The following MISFA variants were observed in gnomAD, a reference collection of about 807,000 sequenced individuals.
The protein encoded by MISFA is mitochondrial sheath formation associated, also known as mitochondrial sheath formation-associated protein.
chr11:18,603,544 T>C, the MISFA span, among the ~76,000 whole-genome samples: 1 of 152,222 alleles, frequency 6.6e-6, no homozygotes, highest in African/African-American at 2.4e-5. Context: ...GTGGCAGATG[T>C]CTCTTTTCTC....
chr11:18,603,188 C>T, the MISFA span: 1 of 399,092 alleles, frequency 2.5e-6, no homozygotes. Flanking sequence ...AAATATCCCC[C>T]AGGAGGGGTA....
the MISFA span, chr11:18,607,126 G>T: frequency 5.5e-6 from 1 of 182,916 alleles, no homozygotes; most frequent in African/African-American, 2.4e-5. Flanking sequence ...GCCTCCCAAA[G>T]TGCTGGGATT....
At chr11:18,603,013 G>A in the MISFA span, 1 of 396,660 alleles carries the variant, frequency 2.5e-6, no homozygotes, top group Non-Finnish European at 4.4e-6. Context: ...GAGCTGCCAT[G>A]CTGGGCCATC....
the MISFA span, chr11:18,606,337 T>C: frequency 5.8e-6 from 1 of 171,358 alleles, no homozygotes; most frequent in Non-Finnish European, 1.2e-5. Flanking sequence ...GCTGGAAAAA[T>C]GTTCAGGGTG....
At chr11:18,604,311 A>G in the MISFA span, among the ~76,000 whole-genome samples, 1 of 151,982 alleles carries the variant, frequency 6.6e-6, no homozygotes, top group Non-Finnish European at 1.5e-5. Context: ...AGTTGAGTGG[A>G]TGGGAGACAA....
At chr11:18,605,050 T>C in the MISFA span, among the ~76,000 whole-genome samples, 32 of 151,906 alleles carry the variant, frequency 2.1e-4, no homozygotes, top group African/African-American at 7.2e-4. Flanking sequence ...CGAGACCCGC[T>C]TGGCCAACAT....
the MISFA span, among the ~76,000 whole-genome samples, chr11:18,600,213 T>C: frequency 6.6e-6 from 1 of 151,830 alleles, no homozygotes; most frequent in Non-Finnish European, 1.5e-5. Context: ...TTATTATTAT[T>C]ATTTTTTGAG....
the MISFA span, among the ~76,000 whole-genome samples, chr11:18,600,645 C>T: frequency 1.3e-5 from 2 of 151,338 alleles, no homozygotes; most frequent in African/African-American, 4.9e-5. Context: ...CTCAGCCTCC[C>T]GAGTAGCTGG....
At chr11:18,609,822 C>G in the MISFA span, 3 of 1,585,778 alleles carry the variant, frequency 1.9e-6, no homozygotes, top group Non-Finnish European at 2.6e-6. Context: ...ATCCTTGCAG[C>G]AGAGCAGCTC....
At chr11:18,600,099 C>T in the MISFA span, 3,005 of 398,244 alleles carry the variant, frequency 7.5e-3, 70 homozygotes, top group African/African-American at 0.054. Flanking sequence ...GTTGAGGTCT[C>T]ACCACTAACT....
the MISFA span, among the ~76,000 whole-genome samples, chr11:18,600,551 TG>T: frequency 8.2e-6 from 1 of 122,354 alleles, no homozygotes; most frequent in African/African-American, 3.2e-5. Context: ...GACGGAGTCT[TG>T]CTCTGTCGCC....
chr11:18,599,947 A>T, the MISFA span: 1 of 398,958 alleles, frequency 2.5e-6, no homozygotes. Context: ...GCTTGGCTGG[A>T]TGTTTTTTGT....
the MISFA span, chr11:18,606,765 T>C: frequency 1.3e-5 from 5 of 389,356 alleles, no homozygotes; most frequent in Non-Finnish European, 1.5e-5. Flanking sequence ...TCTCAGAAAT[T>C]TACCAATAGC....
the MISFA span, among the ~76,000 whole-genome samples, chr11:18,600,512 C>T: frequency 3.7e-5 from 2 of 54,050 alleles, no homozygotes; most frequent in Admixed American, 5.3e-4. Flanking sequence ...TGGGGACATC[C>T]TTTTTTTTTT....
chr11:18,607,507 T>C, the MISFA span: 3 of 152,610 alleles, frequency 2.0e-5, no homozygotes, highest in African/African-American at 4.8e-5. Context: ...TCTTCAAATG[T>C]TGAATTAAGA....
chr11:18,605,937 C>T, the MISFA span, among the ~76,000 whole-genome samples: 2 of 152,198 alleles, frequency 1.3e-5, no homozygotes, highest in Non-Finnish European at 2.9e-5. Context: ...TTCTACCTCC[C>T]AAAGTGCTGG....
the MISFA span, among the ~76,000 whole-genome samples, chr11:18,604,790 C>T: frequency 6.6e-6 from 1 of 152,132 alleles, no homozygotes; most frequent in Admixed American, 6.5e-5. Flanking sequence ...AGTTGAGGGG[C>T]ATGTTTATCT....
the MISFA span, chr11:18,601,061 T>A: frequency 1.1e-4 from 45 of 398,614 alleles, no homozygotes; most frequent in East Asian, 1.6e-3. Context: ...AGTAGAGCCA[T>A]CTCTGCCCTC....
chr11:18,606,007 T>G, the MISFA span, among the ~76,000 whole-genome samples: 9 of 152,246 alleles, frequency 5.9e-5, no homozygotes, highest in East Asian at 1.7e-3. Flanking sequence ...AGGACTCCTC[T>G]TCTCAGCCAT....
Sources: gnomAD v4.1 joint callset for allele counts (sites outside exome capture counted in the v4.1 genomes callset) on GRCh38, gnomAD v4.1.1 for gene constraint, MANE v1.5 for transcripts, NCBI Gene and HGNC (gene_info 2026-07-23, HGNC 2026-07-21) for gene names.